The following BRWD1 variants were observed in gnomAD, a reference collection of about 807,000 sequenced individuals.
BRWD1 encodes bromodomain and WD repeat-containing protein 1.
In BRWD1, 82 loss-of-function variants were observed where a neutral mutation model predicts 251.2. The observed-to-expected ratio is 0.33, with a 90% CI of 0.27 to 0.39. BRWD1 has a LOEUF of 0.39. BRWD1 is among the 10% of genes least tolerant of loss of function. The probability of loss-of-function intolerance (pLI) is 1.00; values close to 1 mark genes in which losing one functional copy is unlikely to be tolerated. For synonymous variants in BRWD1, 918 were observed against 902.8 expected, an observed-to-expected ratio of 1.02 and a Z score of -0.30; for missense variants, 2,233 against 2,711.6, an observed-to-expected ratio of 0.82 and a Z score of 3.92.
rs566258470 is a variant in BRWD1, at chr21:39,197,453, A to G, written c.5654-38T>C. Reference sequence around the variant, plus strand: ...GAGCAGATTTCTATTAATCTTTTGTAAGTCTAAAGGAATTATATGTTCAAT... The same window carrying G: ...GAGCAGATTTCTATTAATCTTTTGTGAGTCTAAAGGAATTATATGTTCAAT... On this transcript the variant is annotated intron_variant, in intron 40 of 40. Coordinates refer to ENST00000342449, the MANE Select transcript of BRWD1 (RefSeq NM_033656.4). 2.0e-4 allele frequency: 291 copies of G among 1,461,656 alleles called. 1 individual carries two copies. The East Asian group carries it at 6.5e-3, about 33-fold the overall frequency. 90.5% of individuals were successfully genotyped at this position (1,461,656 alleles called of 1,614,324 possible). A position where few individuals can be genotyped will look rare whatever the true frequency, so the allele number is the denominator to read the frequency against.
At chr21:39,203,557 C>T (rs572011771) in intron 37 of BRWD1, among the ~76,000 whole-genome samples, 19 of 150,414 alleles carry the variant, frequency 1.3e-4, no homozygotes, top group African/African-American at 4.4e-4. Context: ...CAGGCGCCCA[C>T]CACCACGCCC....
intron 17 of BRWD1, among the ~76,000 whole-genome samples, chr21:39,259,932 T>C (rs534323593): frequency 6.6e-6 from 1 of 152,168 alleles, no homozygotes; most frequent in East Asian, 1.9e-4. Context: ...TAAAGACAGA[T>C]AGAGAAACTG....
At chr21:39,197,585 G>T (rs8128734) in intron 40 of BRWD1, among the ~76,000 whole-genome samples, 170 bp from the exon 41 acceptor site, 4 of 152,040 alleles carry the variant, frequency 2.6e-5, no homozygotes, top group African/African-American at 9.7e-5. Flanking sequence ...GCAAGGATAC[G>T]TTCTGAGAAA....
chr21:39,265,431 TAAAATA>T (rs1233628275), intron 15 of BRWD1, among the ~76,000 whole-genome samples: 3 of 152,074 alleles, frequency 2.0e-5, no homozygotes, highest in African/African-American at 7.2e-5. Flanking sequence ...TGAGACTCTG[TAAAATA>T]AAAATAAAAA....
At chr21:39,301,668 A>C (rs2036116698) in intron 4 of BRWD1, among the ~76,000 whole-genome samples, 1 of 152,206 alleles carries the variant, frequency 6.6e-6, no homozygotes, top group Non-Finnish European at 1.5e-5. Flanking sequence ...CTGGCAGATA[A>C]CAACAAATTA....
chr21:39,234,513 A>G (rs771115073), intron 23 of BRWD1, among the ~76,000 whole-genome samples: 1 of 152,236 alleles, frequency 6.6e-6, no homozygotes, highest in Non-Finnish European at 1.5e-5. Flanking sequence ...GGTACTCTCA[A>G]AAAGTAACTA....
Position 39,195,455 on chromosome 21 carries a change from G to T in BRWD1, c.*804C>A, listed in dbSNP as rs752252980. On this transcript the variant is annotated 3_prime_UTR_variant, in exon 41 of 41. Transcript: ENST00000342449. ...GATTTTGGTTAAATCCCTTACAATG[G>T]AAACCAGGAGATCTTGGACAGAAGA... The T allele has an allele frequency of 1.4e-5, 14 of 985,494 alleles. No individual in the cohort carries two copies. The highest frequency in any genetic ancestry group is 3.5e-5 in the African/African-American group (2 of 57,204). 61.0% of individuals were successfully genotyped at this position (985,494 alleles called of 1,614,324 possible).
intron 17 of BRWD1, among the ~76,000 whole-genome samples, chr21:39,259,196 A>T (rs1424023999): frequency 6.6e-6 from 1 of 152,206 alleles, no homozygotes; most frequent in African/African-American, 2.4e-5. Flanking sequence ...GAACAGTGCA[A>T]TTGATGGTGG....
chr21:39,305,640 G>A (rs1246630299), intron 4 of BRWD1, among the ~76,000 whole-genome samples: 2 of 152,084 alleles, frequency 1.3e-5, no homozygotes, highest in African/African-American at 2.4e-5. Flanking sequence ...TGAGGTGGGT[G>A]GATCACAAGG....
intron 8 of BRWD1, among the ~76,000 whole-genome samples, chr21:39,281,960 A>G (rs1056471345): frequency 1.3e-5 from 2 of 151,594 alleles, no homozygotes; most frequent in Middle Eastern, 3.5e-3. Context: ...GTAGACATAT[A>G]TGTATACATA....
rs1431916321 is a variant in BRWD1 at position 39,187,174 on chromosome 21, G to A, written c.*9085C>T. ...TAATTTTTTCTTAGCCGCAGCAGAAGCATTTCGATGGGGCAGTTTTCTGCT... is the reference window on the plus strand; with the variant it reads ...TAATTTTTTCTTAGCCGCAGCAGAAACATTTCGATGGGGCAGTTTTCTGCT... On this transcript the variant is annotated 3_prime_UTR_variant, in exon 41 of 41. Coordinates refer to ENST00000342449, the MANE Select transcript of BRWD1 (RefSeq NM_033656.4). 1 of 1,613,646 alleles carries A rather than the reference G, an allele frequency of 6.2e-7. No individual in the cohort carries two copies. Among genetic ancestry groups the A allele is most frequent in the East Asian group, 2.2e-5 (1 of 44,896 alleles).
chr21:39,296,542 C>T (rs944434211), intron 5 of BRWD1, 179 bp from the exon 6 acceptor site: 2 of 1,238,696 alleles, frequency 1.6e-6, no homozygotes, highest in Non-Finnish European at 2.0e-6. Context: ...AAAATTAAGA[C>T]ATCTCAGATA....
chr21:39,311,221 G>A (rs1329721191), intron 4 of BRWD1, among the ~76,000 whole-genome samples: 4 of 152,136 alleles, frequency 2.6e-5, no homozygotes, highest in Non-Finnish European at 2.9e-5. Flanking sequence ...AGGCTGGAAT[G>A]CAGTGGCAGG....
At chr21:39,249,936 G>A (rs958669535) in intron 20 of BRWD1, among the ~76,000 whole-genome samples, 1 of 151,270 alleles carries the variant, frequency 6.6e-6, no homozygotes, top group African/African-American at 2.4e-5. Context: ...GTGTGTGTGT[G>A]TGTGTGTGTG....
rs761677483 is a variant in BRWD1, at chr21:39,224,395, CA to C, written c.3382+12del. 3 of 1,506,620 alleles carry C rather than the reference CA, an allele frequency of 2.0e-6. No homozygotes were observed. The highest frequency in any genetic ancestry group is 2.7e-6 in the Non-Finnish European group (3 of 1,101,028). 93.3% of individuals were successfully genotyped at this position (1,506,620 alleles called of 1,614,324 possible). On this transcript the variant is annotated intron_variant, in intron 29 of 40. Coordinates refer to ENST00000342449, the MANE Select transcript of BRWD1 (RefSeq NM_033656.4). ...AAAATAAAATGTTTTCATTATTTAA[CA>C]AATATATATACCATTATCAGGAATT...
At chr21:39,250,606 CAA>C (rs2034363153) in intron 20 of BRWD1, among the ~76,000 whole-genome samples, 188 bp downstream of exon 20, 1 of 151,986 alleles carries the variant, frequency 6.6e-6, no homozygotes, top group Admixed American at 6.5e-5. Flanking sequence ...CAATTTTTCT[CAA>C]GTTTTCAAAC....
chr21:39,199,176 T>C lies in BRWD1; in HGVS notation c.5240A>G (p.Lys1747Arg). Residue 1747 changes from lysine (K) to arginine (R), a missense_variant, in exon 40 of 41, where the codon AAG (lysine) becomes AGG (arginine). Lys to Arg is a conservative substitution (Grantham distance 26). Coordinates refer to ENST00000342449, the MANE Select transcript of BRWD1 (RefSeq NM_033656.4). ...AGACTCTATTTTAAGAAATTTTGTC[T>C]TTGAAGGTGCTGGAGTATGGGACTT... The part of the protein sequence containing the change: ...GYKSHTPAPS[K>R]TKFLKIESSE... The C allele has an allele frequency of 6.2e-7, 1 of 1,614,180 alleles. No individual in the cohort carries two copies. Among genetic ancestry groups the C allele is most frequent in the Non-Finnish European group, 8.5e-7 (1 of 1,180,036 alleles).
intron 27 of BRWD1, 97 bp downstream of exon 27, chr21:39,228,403 G>T (rs2033470123): frequency 2.6e-6 from 2 of 771,176 alleles, no homozygotes; most frequent in Non-Finnish European, 4.4e-6. Context: ...TTACATGTTT[G>T]TATATACTAT....
rs1464699490 is a variant in BRWD1 at position 39,188,992 on chromosome 21, A to G, written c.*7267T>C. On this transcript the variant is annotated 3_prime_UTR_variant, in exon 41 of 41. Transcript: ENST00000342449. The stretch of plus-strand genomic sequence containing the variant: ...ACTCTGTGGGAAGAGAAGTGGCTTA[A>G]AGTGCACTGTGTTTACCACTTCAAA... 1.0e-6 allele frequency: 1 copy of G among 985,276 alleles called. No individual in the cohort carries two copies. Among genetic ancestry groups the G allele is most frequent in the East Asian group, 1.1e-4 (1 of 8,822 alleles). The allele number at this position is 985,276 out of a possible 1,614,324, so 61.0% of individuals were successfully genotyped here.
Sources: allele counts gnomAD v4.1 joint callset (sites outside exome capture counted in the v4.1 genomes callset), GRCh38; gene constraint gnomAD v4.1.1; transcripts MANE v1.5; gene names NCBI Gene and HGNC (gene_info 2026-07-23, HGNC 2026-07-21).